Variants in RABEPK observed in about 807,000 individuals in gnomAD.
The protein encoded by RABEPK is Rab9 effector protein with kelch motifs.
A neutral mutation model predicts 34.1 loss-of-function variants in RABEPK; 27 were observed. That is an observed-to-expected ratio of 0.79 (90% CI 0.58 to 1.09). The LOEUF is 1.09. RABEPK is among the 50% of genes least tolerant of loss of function. The pLI, the probability that RABEPK is intolerant of heterozygous loss-of-function variation, is 0.00. For missense variants in RABEPK, 449 were observed against 462.6 expected (o/e 0.97, Z 0.27); for synonymous variants, 172 against 169.2 (o/e 1.02, Z -0.13).
At chr9:125,233,621 C>T (rs1405116880) in intron 7 of RABEPK, 67 bp from the exon 8 acceptor site, 11 of 1,515,754 alleles carry the variant, frequency 7.3e-6, no homozygotes, top group African/African-American at 2.7e-5. Flanking sequence ...GGATTACAGG[C>T]GTGAGCCACC....
Position 125,204,475 on chromosome 9 carries a change from G to A in RABEPK, c.53+1409G>A, listed in dbSNP as rs183645868. On this transcript the variant is annotated intron_variant, in intron 2 of 7. Coordinates refer to ENST00000373538, the MANE Select transcript of RABEPK (RefSeq NM_005833.4). ...TGCATGCCTGTAATCCTGGCCACTC[G>A]GGAGGCTGAGGCAGGACAATTCTTG... Among the ~76,000 whole-genome samples, 65 of 152,076 alleles carry A rather than the reference G, an allele frequency of 4.3e-4. No homozygotes were observed. The East Asian group carries it at 0.011, about 26-fold the overall frequency.
intron 6 of RABEPK, among the ~76,000 whole-genome samples, chr9:125,231,770 CG>C (rs932066629): frequency 5.4e-5 from 8 of 147,198 alleles, no homozygotes; most frequent in Admixed American, 3.4e-4. Context: ...GGCAACAGAG[CG>C]GAAAAAAAAA....
chr9:125,231,705 G>A (rs2131439079), intron 6 of RABEPK, among the ~76,000 whole-genome samples: 1 of 151,846 alleles, frequency 6.6e-6, no homozygotes, highest in Non-Finnish European at 1.5e-5. Flanking sequence ...GGGAGGCTGA[G>A]GCAGAGAATT....
chr9:125,227,727 G>A (rs1473109741), intron 5 of RABEPK, among the ~76,000 whole-genome samples, 183 bp from the exon 6 acceptor site: 1 of 152,034 alleles, frequency 6.6e-6, no homozygotes, highest in Non-Finnish European at 1.5e-5. Flanking sequence ...CACCGCAGCA[G>A]CCTATAGGAT....
At chr9:125,218,876 G>A (rs1406004324) in intron 4 of RABEPK, among the ~76,000 whole-genome samples, 1 of 151,938 alleles carries the variant, frequency 6.6e-6, no homozygotes, top group Non-Finnish European at 1.5e-5. Context: ...ATAGGCATAC[G>A]CCACCACACC....
At position 125,200,677 on chromosome 9, in the gene RABEPK, C is replaced by T. The variant is rs1253045857; in HGVS notation, c.-236C>T. On this transcript the variant is annotated 5_prime_UTR_variant, in exon 1 of 8. Transcript: ENST00000373538. Reference sequence around the variant, plus strand: ...GTCTGAATCTTTTAGGGGAGTGGGCCCAAGCCGGGTGCAAAGAACGGGGAA... The same window carrying T: ...GTCTGAATCTTTTAGGGGAGTGGGCTCAAGCCGGGTGCAAAGAACGGGGAA... The T allele has an allele frequency of 2.1e-6, 1 of 471,100 alleles. No homozygotes were observed. Among genetic ancestry groups the T allele is most frequent in the African/African-American group, 2.0e-5 (1 of 50,102 alleles). The allele number at this position is 471,100 out of a possible 1,614,324, so 29.2% of individuals were successfully genotyped here.
intron 3 of RABEPK, among the ~76,000 whole-genome samples, chr9:125,209,142 C>A (rs1262105618): frequency 1.3e-5 from 2 of 149,578 alleles, no homozygotes; most frequent in African/African-American, 5.0e-5. Flanking sequence ...CTTACTGCAA[C>A]CTCTGCCTCC....
At chr9:125,213,247 C>T (rs572241743) in intron 3 of RABEPK, 123 bp from the exon 4 acceptor site, 50 of 1,021,906 alleles carry the variant, frequency 4.9e-5, no homozygotes, top group Non-Finnish European at 6.9e-5. Context: ...ACAACATGCC[C>T]TTTAAGTGAT....
intron 5 of RABEPK, among the ~76,000 whole-genome samples, chr9:125,225,078 A>G (rs1181867765): frequency 6.6e-6 from 1 of 151,780 alleles, no homozygotes; most frequent in Non-Finnish European, 1.5e-5. Flanking sequence ...ACATAGCAAG[A>G]CCCCATCTCT....
chr9:125,233,168 T>C (rs1299226466), intron 7 of RABEPK, among the ~76,000 whole-genome samples: 1 of 151,922 alleles, frequency 6.6e-6, no homozygotes, highest in African/African-American at 2.4e-5. Context: ...GAAAACTCTG[T>C]AGGGGATGAC....
intron 2 of RABEPK, among the ~76,000 whole-genome samples, chr9:125,206,770 T>G (rs1411129569): frequency 6.6e-6 from 1 of 152,038 alleles, no homozygotes; most frequent in Non-Finnish European, 1.5e-5. Flanking sequence ...TGTCTCAGTC[T>G]TCACAATCAT....
chr9:125,223,996 C>T (rs1831543964), intron 5 of RABEPK, among the ~76,000 whole-genome samples: 2 of 151,984 alleles, frequency 1.3e-5, no homozygotes, highest in Non-Finnish European at 2.9e-5. Flanking sequence ...GAGTTCAAAA[C>T]TAGCCTTGAC....
At chr9:125,229,793 C>G (rs878984482) in intron 6 of RABEPK, among the ~76,000 whole-genome samples, 2 of 152,182 alleles carry the variant, frequency 1.3e-5, no homozygotes, top group Admixed American at 1.3e-4. Context: ...TTAGAGAGAA[C>G]ATGAGAAATA....
chr9:125,228,169 C>A, intron 6 of RABEPK, 110 bp downstream of exon 6: 1 of 932,078 alleles, frequency 1.1e-6, no homozygotes, highest in Non-Finnish European at 1.4e-6. Context: ...GTGGCATGAT[C>A]TCAGTAGCCT....
Position 125,201,166 on chromosome 9 carries a change from G to A in RABEPK, c.-7+260G>A, listed in dbSNP as rs79837164. 9.8e-3 allele frequency among the ~76,000 whole-genome samples: 1,492 copies of A among 152,322 alleles called. 23 individuals are homozygous for A. The highest frequency in any genetic ancestry group is 0.034 in the African/African-American group (1,407 of 41,574). On this transcript the variant is annotated intron_variant, in intron 1 of 7. Transcript: ENST00000373538. ...GTGGGTGGAAGAAGGAAGTAACTTG[G>A]ATGTGGGTGGAAGAGAAAAGGGCAA... is the stretch of plus-strand genomic sequence containing the variant.
chr9:125,213,627 A>T lies in RABEPK; in HGVS notation c.364+105A>T, dbSNP rs1263948795. On this transcript the variant is annotated intron_variant, in intron 4 of 7. Coordinates refer to ENST00000373538, the MANE Select transcript of RABEPK (RefSeq NM_005833.4). ...ATTATAATTCCAGTACATTTGGATT[A>T]TACTAATTACCATTTAACTTTGCTG... 6 of 983,184 alleles carry T rather than the reference A, an allele frequency of 6.1e-6. No individual in the cohort carries two copies. In the East Asian group the frequency reaches 1.6e-4, roughly 26 times the overall value. 60.9% of individuals were successfully genotyped at this position (983,184 alleles called of 1,614,324 possible).
At chr9:125,220,200 C>A in intron 4 of RABEPK, 1 of 761,160 alleles carries the variant, frequency 1.3e-6, no homozygotes, top group Non-Finnish European at 1.8e-6. Context: ...GGGTTTTACC[C>A]CATGTTGGCC....
At chr9:125,202,212 C>G (rs1829954067) in intron 1 of RABEPK, among the ~76,000 whole-genome samples, 1 of 151,104 alleles carries the variant, frequency 6.6e-6, no homozygotes, top group African/African-American at 2.4e-5. Flanking sequence ...GAGACTCCAT[C>G]TCAGAAAAAA....
chr9:125,215,452 G>A (rs1349965183), intron 4 of RABEPK, among the ~76,000 whole-genome samples: 1 of 151,862 alleles, frequency 6.6e-6, no homozygotes, highest in African/African-American at 2.4e-5. Context: ...TGGGACTACA[G>A]GCGCTTGCCA....
Sources: allele counts gnomAD v4.1 joint callset (sites outside exome capture counted in the v4.1 genomes callset), GRCh38; gene constraint gnomAD v4.1.1; transcripts MANE v1.5; gene names NCBI Gene and HGNC (gene_info 2026-07-23, HGNC 2026-07-21).